Variants in DNAH12 observed in about 807,000 individuals in gnomAD.
The protein encoded by DNAH12 is dynein axonemal heavy chain 12.
Under a neutral mutation model 371.5 loss-of-function variants are expected in DNAH12, and 285 were observed. The ratio of observed to expected loss-of-function variants is 0.77; its 90% CI spans 0.70 to 0.85. The LOEUF (loss-of-function observed/expected upper bound fraction) is 0.85. DNAH12 is among the 40% of genes least tolerant of loss of function. The probability of loss-of-function intolerance (pLI) is 0.00; values close to 1 mark genes in which losing one functional copy is unlikely to be tolerated. For synonymous variants in DNAH12, 1,200 were observed against 1,213.0 expected, an observed-to-expected ratio of 0.99 and a Z score of 0.22; for missense variants, 3,611 against 3,689.4, an observed-to-expected ratio of 0.98 and a Z score of 0.55.
intron 13 of DNAH12, among the ~76,000 whole-genome samples, chr3:57,483,033 G>T: frequency 6.6e-6 from 1 of 150,602 alleles, no homozygotes; most frequent in East Asian, 1.9e-4. Flanking sequence ...TAACTAACTT[G>T]CACGTTGTGC....
chr3:57,373,224 G>A (rs1421894663), intron 55 of DNAH12, among the ~76,000 whole-genome samples: 1 of 152,048 alleles, frequency 6.6e-6, no homozygotes, highest in Admixed American at 6.6e-5. Flanking sequence ...TAGACCTAAG[G>A]TGAATATTTG....
intron 62 of DNAH12, 92 bp from the exon 63 acceptor site, chr3:57,323,711 G>A: frequency 1.5e-6 from 2 of 1,308,724 alleles, no homozygotes; most frequent in Non-Finnish European, 2.0e-6. Context: ...AATACAATTT[G>A]AGCCTAATGG....
intron 44 of DNAH12, among the ~76,000 whole-genome samples, chr3:57,392,753 A>G (rs2063651997): frequency 6.6e-6 from 1 of 152,246 alleles, no homozygotes; most frequent in South Asian, 2.1e-4. Flanking sequence ...AATATAAAAC[A>G]GAAATAGTGA....
At chr3:57,455,216 T>C (rs1035359905) in intron 22 of DNAH12, among the ~76,000 whole-genome samples, 1 of 152,010 alleles carries the variant, frequency 6.6e-6, no homozygotes, top group African/African-American at 2.4e-5. Flanking sequence ...GTTTTCTATA[T>C]AGAATACCTA....
chr3:57,364,469 C>G (rs911012725), intron 57 of DNAH12, among the ~76,000 whole-genome samples: 1 of 152,046 alleles, frequency 6.6e-6, no homozygotes, highest in Admixed American at 6.6e-5. Context: ...ACTAGTAGCC[C>G]TCCCAGGTAC....
intron 13 of DNAH12, among the ~76,000 whole-genome samples, chr3:57,473,083 T>C (rs73078568): frequency 0.011 from 1,740 of 152,268 alleles, 20 homozygotes; most frequent in South Asian, 0.047. Flanking sequence ...TTTTAGTATC[T>C]TTTCTTTTGT....
intron 45 of DNAH12, among the ~76,000 whole-genome samples, chr3:57,388,030 A>T (rs1057422145): frequency 5.3e-5 from 8 of 152,146 alleles, no homozygotes; most frequent in Admixed American, 5.2e-4. Context: ...ATAATGTCCA[A>T]AGTTGATTTT....
chr3:57,344,220 G>A (rs1559573108), intron 60 of DNAH12, among the ~76,000 whole-genome samples: 1 of 152,190 alleles, frequency 6.6e-6, no homozygotes, highest in African/African-American at 2.4e-5. Flanking sequence ...TTCAGGAAAT[G>A]CAAATCAAAA....
chr3:57,341,038 G>C (rs571274776), intron 60 of DNAH12, among the ~76,000 whole-genome samples: 1 of 152,054 alleles, frequency 6.6e-6, no homozygotes, highest in Admixed American at 6.6e-5. Flanking sequence ...AAAACAACAC[G>C]ATCATCTCAA....
rs969542758 is a variant in DNAH12, at chr3:57,320,790, C to T, written c.10524+1553G>A. On this transcript the variant is annotated intron_variant, in intron 65 of 73. Transcript: ENST00000495027. ...CCAGCAAGATGTGTTTGAACAAGCC[C>T]TCTAGGGGAATCGGATGCATACTGA... Among the ~76,000 whole-genome samples the T allele has an allele frequency of 3.9e-5, 6 of 152,146 alleles. 1 individual carries two copies. In the South Asian group the frequency reaches 1.2e-3, roughly 32 times the overall value.
Position 57,459,602 on chromosome 3 carries a change from T to C in DNAH12, c.2921A>G (p.Lys974Arg). The C allele has an allele frequency of 6.7e-7, 1 of 1,494,080 alleles. No homozygotes were observed. The highest frequency in any genetic ancestry group is 9.0e-7 in the Non-Finnish European group (1 of 1,109,856). The allele number at this position is 1,494,080 out of a possible 1,614,324, so 92.6% of individuals were successfully genotyped here. ...HWRDIMKFCA[K>R]DPKVLAATSL... ...AAACAAACACTTCACCTTTGGATCT[T>C]TAGCACAAAACTTCATGATATCTCT... The change falls in exon 20 of 74, where the codon AAA (lysine) becomes AGA (arginine). Residue 974 changes from lysine to arginine, a missense_variant. Around this residue, in one of 3 missense-constraint regions of DNAH12, gnomAD observed 1,314 missense variants for 1,398.7 expected, o/e 0.94. Coordinates refer to ENST00000495027, the MANE Select transcript of DNAH12 (RefSeq NM_001366028.2).
In DNAH12 at chr3:57,458,213, G is replaced by A. The variant is rs1221970195; in HGVS notation, c.2939C>T (p.Ala980Val). ...KFCAKDPKVL[A>V]ATSLTGLLEK... ...CAATAAACCTGTTAAAGAAGTGGCA[G>A]CAAGAACCTAAACGAGACACATGCA... The change falls in exon 21 of 74, where the codon GCT becomes GTT. Residue 980 changes from alanine to valine, a missense_variant. Ala to Val is a moderately conservative substitution (Grantham distance 64). Transcript: ENST00000495027. 1 of 1,542,018 alleles carries A rather than the reference G, an allele frequency of 6.5e-7. No homozygotes were observed. The highest frequency in any genetic ancestry group is 8.7e-7 in the Non-Finnish European group (1 of 1,144,788).
In DNAH12 at chr3:57,470,530, T is replaced by A. The variant is rs1203029918; in HGVS notation, c.2018A>T (p.Tyr673Phe). ...EELFKWELTK[Y>F]PELDKLKVNI... ...AACTTTTAATTTATCCAGTTCAGGA[T>A]ATTTTGTCAATTCCCACTTGAAAAG... is the stretch of plus-strand genomic sequence containing the variant. The change falls in exon 16 of 74, where the codon TAT (tyrosine) becomes TTT (phenylalanine). Residue 673 changes from tyrosine to phenylalanine, a missense_variant. By Grantham distance (22) the Tyr-to-Phe change is conservative (BLOSUM62 3). Transcript: ENST00000495027. 30 of 1,550,360 alleles carry A rather than the reference T, an allele frequency of 1.9e-5. No individual in the cohort carries two copies. The highest frequency in any genetic ancestry group is 2.6e-5 in the Non-Finnish European group (30 of 1,146,718).
intron 49 of DNAH12, among the ~76,000 whole-genome samples, chr3:57,383,182 A>C (rs1284063155): frequency 6.6e-6 from 1 of 152,170 alleles, no homozygotes; most frequent in Admixed American, 6.5e-5. Context: ...TCAGCCTGGG[A>C]TCTGATTCTT....
rs1372269645 is a variant in DNAH12 at position 57,335,533 on chromosome 3, T to C, written c.9675-593A>G. Among the ~76,000 whole-genome samples, 3 of 152,214 alleles carry C rather than the reference T, an allele frequency of 2.0e-5. No homozygotes were observed. The East Asian group carries it at 5.8e-4, about 29-fold the overall frequency. On this transcript the variant is annotated intron_variant, in intron 60 of 73. Coordinates refer to ENST00000495027, the MANE Select transcript of DNAH12 (RefSeq NM_001366028.2). ...TAACGTGTACTTACACAAATCTAGA[T>C]GGTGTATATGGTATAGCCTGTTGCT...
intron 4 of DNAH12, among the ~76,000 whole-genome samples, chr3:57,514,135 T>G (rs1291780173): frequency 6.6e-6 from 1 of 152,198 alleles, no homozygotes; most frequent in Non-Finnish European, 1.5e-5. Flanking sequence ...GGCTCACGCC[T>G]GTAATCCCAG....
rs1280461773 is a variant in DNAH12 at position 57,393,660 on chromosome 3, GAA to G, written c.7110+509_7110+510del. Among the ~76,000 whole-genome samples, 946 of 119,710 alleles carry G rather than the reference GAA, an allele frequency of 7.9e-3. 26 individuals carry two copies. Among genetic ancestry groups the G allele is most frequent in the African/African-American group, 0.037 (868 of 23,678 alleles). The allele number at this position is 119,710 out of a possible 152,430, so 78.5% of individuals were successfully genotyped here. Reference sequence around the variant, plus strand: ...AAAAAAAAAAAAAAAAAGAAAGAAAGAAAAAGAAAAAGAAAAAGAAATGAGGG... The same window carrying G: ...AAAAAAAAAAAAAAAAAGAAAGAAAGAAAGAAAAAGAAAAAGAAATGAGGG... On this transcript the variant is annotated intron_variant, in intron 44 of 73. Transcript: ENST00000495027.
intron 4 of DNAH12, among the ~76,000 whole-genome samples, chr3:57,513,479 G>A (rs575539057): frequency 6.2e-5 from 9 of 144,474 alleles, no homozygotes; most frequent in Admixed American, 3.5e-4. Flanking sequence ...CATGTATCCC[G>A]GAACATAAAG....
intron 13 of DNAH12, among the ~76,000 whole-genome samples, chr3:57,478,468 G>A (rs866445800): frequency 4.6e-5 from 7 of 152,092 alleles, no homozygotes; most frequent in Non-Finnish European, 8.8e-5. Flanking sequence ...TGAAAGTGAC[G>A]GGGAGAATGG....
Sources: allele counts gnomAD v4.1 joint callset (sites outside exome capture counted in the v4.1 genomes callset), GRCh38; gene constraint gnomAD v4.1.1; regional missense constraint gnomAD v4.1.1; transcripts MANE v1.5; gene names NCBI Gene and HGNC (gene_info 2026-07-23, HGNC 2026-07-21).